The following SAMSN1 variants were observed in gnomAD, a reference collection of about 807,000 sequenced individuals.
SAMSN1 encodes the protein SAM domain-containing protein SAMSN-1.
In SAMSN1, 31 loss-of-function variants were observed where a neutral mutation model predicts 42.0. The ratio of observed to expected loss-of-function variants is 0.74; its 90% CI spans 0.55 to 1.00. The LOEUF (loss-of-function observed/expected upper bound fraction) is 1.00. Ranked by LOEUF, SAMSN1 falls within the 50% of genes least tolerant of loss-of-function variation. SAMSN1 has a pLI of 0.00. For missense variants in SAMSN1, 464 were observed against 439.4 expected (o/e 1.06, Z -0.50); for synonymous variants, 178 against 151.9 (o/e 1.17, Z -1.26).
chr21:14,488,145 G>A (rs910198631), intron 7 of SAMSN1, among the ~76,000 whole-genome samples: 4 of 152,104 alleles, frequency 2.6e-5, no homozygotes, highest in Non-Finnish European at 5.9e-5. Flanking sequence ...TCTAGAAAAG[G>A]CCAGAGGAAT....
chr21:14,536,408 C>T (rs1034607072), intron 1 of SAMSN1, among the ~76,000 whole-genome samples: 7 of 152,098 alleles, frequency 4.6e-5, no homozygotes, highest in Non-Finnish European at 7.4e-5. Context: ...TCCAAATTTC[C>T]AAACAAAGGG....
chr21:14,522,888 G>T (rs1377249794), intron 1 of SAMSN1, among the ~76,000 whole-genome samples: 2 of 152,130 alleles, frequency 1.3e-5, no homozygotes, highest in Non-Finnish European at 2.9e-5. Flanking sequence ...CTGCTCCAAC[G>T]CAGGGCACAC....
At chr21:14,504,522 G>A (rs1316180367) in intron 5 of SAMSN1, among the ~76,000 whole-genome samples, 2 of 152,132 alleles carry the variant, frequency 1.3e-5, no homozygotes, top group Non-Finnish European at 2.9e-5. Flanking sequence ...TCAAAGGCAA[G>A]GTCTTTGAAA....
chr21:14,597,115 CTTTT>C (rs1982290180), intron 6 of SAMSN1, among the ~76,000 whole-genome samples: 3 of 152,056 alleles, frequency 2.0e-5, no homozygotes, highest in African/African-American at 7.2e-5. Flanking sequence ...ATTTTGGACT[CTTTT>C]TGTTTGTTTG....
intron 1 of SAMSN1, among the ~76,000 whole-genome samples, chr21:14,531,292 A>C (rs1979252634): frequency 6.6e-6 from 1 of 152,100 alleles, no homozygotes; most frequent in African/African-American, 2.4e-5. Flanking sequence ...TGTACTGTTA[A>C]TAAGATTTAT....
intron 1 of SAMSN1, among the ~76,000 whole-genome samples, chr21:14,650,788 G>C (rs569158199): frequency 2.7e-4 from 41 of 151,748 alleles, no homozygotes; most frequent in African/African-American, 9.4e-4. Flanking sequence ...CTTTTAGACA[G>C]ACTGAAAAAA....
chr21:14,497,440 CA>C (rs1418949617), intron 7 of SAMSN1, among the ~76,000 whole-genome samples: 1 of 151,986 alleles, frequency 6.6e-6, no homozygotes, highest in East Asian at 1.9e-4. Context: ...ACTAAAAATA[CA>C]AAAATTAGCC....
At chr21:14,503,296 C>T (rs745315288) in intron 5 of SAMSN1, among the ~76,000 whole-genome samples, 8 of 152,186 alleles carry the variant, frequency 5.3e-5, no homozygotes, top group Middle Eastern at 3.4e-3. Flanking sequence ...AGCCAACTGC[C>T]GTATTGTAGA....
upstream of SAMSN1, among the ~76,000 whole-genome samples, chr21:14,586,271 A>AG (rs1981914301): frequency 6.7e-6 from 1 of 149,896 alleles, no homozygotes; most frequent in Non-Finnish European, 1.5e-5. Context: ...TCAAAAAAAA[A>AG]AAAAAAAGAA....
chr21:14,587,470 C>CT (rs1315987025), upstream of SAMSN1, among the ~76,000 whole-genome samples: 1 of 152,012 alleles, frequency 6.6e-6, no homozygotes, highest in Non-Finnish European at 1.5e-5. Flanking sequence ...TTCCTTTTGC[C>CT]TTTTTTGGCC....
At chr21:14,570,666 G>A (rs1324468057) in intron 2 of SAMSN1, among the ~76,000 whole-genome samples, 1 of 152,102 alleles carries the variant, frequency 6.6e-6, no homozygotes, top group Non-Finnish European at 1.5e-5. Context: ...AATCCTATGA[G>A]CCTGAGAGCT....
chr21:14,521,961 T>C (rs1432615918), intron 1 of SAMSN1, among the ~76,000 whole-genome samples: 1 of 151,488 alleles, frequency 6.6e-6, no homozygotes, highest in Non-Finnish European at 1.5e-5. Flanking sequence ...TTTGAAGTTC[T>C]CTGCTGGGTA....
At chr21:14,632,205 G>A (rs1040345) in intron 2 of SAMSN1, among the ~76,000 whole-genome samples, 23,457 of 151,818 alleles carry the variant, frequency 0.15, 1,963 homozygotes, top group African/African-American at 0.21. Context: ...TGTGATAGAA[G>A]CAGCAGCAAT....
At chr21:14,649,594 A>T (rs1264230927) in intron 1 of SAMSN1, among the ~76,000 whole-genome samples, 1 of 152,002 alleles carries the variant, frequency 6.6e-6, no homozygotes. Flanking sequence ...ACCTGGTTAA[A>T]CCCCATGTCT....
intron 3 of SAMSN1, among the ~76,000 whole-genome samples, chr21:14,514,265 C>G (rs1987811481): frequency 6.6e-6 from 1 of 152,132 alleles, no homozygotes; most frequent in Admixed American, 6.5e-5. Context: ...AGTCTAAAGG[C>G]TTTCTCTTTA....
intron 2 of SAMSN1, among the ~76,000 whole-genome samples, chr21:14,568,218 G>T (rs900275896): frequency 1.3e-5 from 2 of 152,088 alleles, no homozygotes; most frequent in Non-Finnish European, 2.9e-5. Context: ...TTTCTTTAAT[G>T]ACATGTCTCT....
chr21:14,539,665 C>T (rs1257766678), intron 1 of SAMSN1, among the ~76,000 whole-genome samples: 1 of 152,022 alleles, frequency 6.6e-6, no homozygotes, highest in Non-Finnish European at 1.5e-5. Context: ...AATGGAAGAA[C>T]ATTCCATGCT....
intron 2 of SAMSN1, among the ~76,000 whole-genome samples, chr21:14,518,256 C>T (rs181563668): frequency 6.6e-6 from 1 of 152,244 alleles, no homozygotes; most frequent in Admixed American, 6.5e-5. Flanking sequence ...AATTATTCCT[C>T]TAAGCAGTTA....
At chr21:14,624,505 G>A (rs149802950) in intron 2 of SAMSN1, among the ~76,000 whole-genome samples, 122 of 152,160 alleles carry the variant, frequency 8.0e-4, no homozygotes, top group African/African-American at 2.6e-3. Context: ...ACACCTCTAC[G>A]CAAATAAACT....
Sources: allele counts gnomAD v4.1 joint callset (sites outside exome capture counted in the v4.1 genomes callset), GRCh38; gene constraint gnomAD v4.1.1; transcripts MANE v1.5; gene names NCBI Gene and HGNC (gene_info 2026-07-23, HGNC 2026-07-21).